Variants in ZNF777 observed in about 807,000 individuals in gnomAD.
The protein encoded by ZNF777 is zinc finger protein 777.
A neutral mutation model predicts 72.1 loss-of-function variants in ZNF777; 7 were observed. The observed-to-expected ratio is 0.10, with a 90% confidence interval of 0.06 to 0.18. The LOEUF is 0.18. Among genes scored for constraint, ZNF777 ranks in the 10% least tolerant of loss-of-function variants. ZNF777 has a pLI of 1.00. For synonymous variants in ZNF777, 545 were observed against 483.5 expected (o/e 1.13, Z -1.67); for missense variants, 828 against 1,128.6 (o/e 0.73, Z 3.82).
Position 149,432,333 on chromosome 7 carries a change from G to A in ZNF777, c.1939C>T (p.His647Tyr). 6.2e-7 allele frequency: 1 copy of A among 1,610,332 alleles called. No homozygotes were observed. Among genetic ancestry groups the A allele is most frequent in the Non-Finnish European group, 8.5e-7 (1 of 1,178,952 alleles). Reference sequence around the variant, plus strand: ...TGGTGTTTGGTCAGGCTGGACTTGTGGCTGAAGCTGCTGTCGCACTCGGGG... The same window carrying A: ...TGGTGTTTGGTCAGGCTGGACTTGTAGCTGAAGCTGCTGTCGCACTCGGGG... ...KCPECDSSFS[H>Y]KSSLTKHQIT... The change falls in exon 6 of 6, where the codon CAC becomes TAC. Residue 647 changes from histidine (H) to tyrosine (Y), a missense_variant. His to Tyr is a moderately conservative substitution (Grantham distance 83, BLOSUM62 2). This residue lies in a region of ZNF777 where 26 missense variants were observed against 62.1 expected (regional missense o/e 0.42). Transcript: ENST00000247930.
chr7:149,447,037 CTCTT>C (rs570344786), intron 4 of ZNF777, among the ~76,000 whole-genome samples: 197 of 152,360 alleles, frequency 1.3e-3, no homozygotes, highest in African/African-American at 4.4e-3. Flanking sequence ...TTTCTGGCCA[CTCTT>C]TCTGTTTCCC....
In ZNF777 at chr7:149,454,202, G is replaced by C. The variant is rs1799778743; in HGVS notation, c.882C>G (p.Phe294Leu). 1 of 1,614,192 alleles carries C rather than the reference G, an allele frequency of 6.2e-7. No homozygotes were observed. Among genetic ancestry groups the C allele is most frequent in the South Asian group, 1.1e-5 (1 of 91,082 alleles). ...PVTFDDVAVHFSEQEWGNLSE... is the reference protein window; with the variant it reads ...PVTFDDVAVHLSEQEWGNLSE... ...ACAGGTTTCCCCACTCCTGCTCCGA[G>C]AAGTGCACAGCAACATCATCAAATG... The change falls in exon 3 of 6, where the codon TTC becomes TTG. Residue 294 changes from phenylalanine to leucine, a missense_variant. Transcript: ENST00000247930.
rs1279209707 is a variant in ZNF777 at position 149,431,560 on chromosome 7, G to A, written c.*216C>T. ...CAGCCCGAAAGGGTTCCCCAGGTCC[G>A]CGCCCTCCCCCCTGGGGCCCCCGGG... On this transcript the variant is annotated 3_prime_UTR_variant, in exon 6 of 6. Transcript: ENST00000247930. 8.5e-6 allele frequency: 4 copies of A among 468,706 alleles called. No individual in the cohort carries two copies. Among genetic ancestry groups the A allele is most frequent in the Non-Finnish European group, 1.6e-5 (4 of 244,626 alleles). The allele number at this position is 468,706 out of a possible 1,614,324, so 29.0% of individuals were successfully genotyped here. A position where few individuals can be genotyped will look rare whatever the true frequency, so the allele number is the denominator to read the frequency against.
At chr7:149,459,848 C>A (rs1235612721) in intron 1 of ZNF777, 3 of 984,640 alleles carry the variant, frequency 3.0e-6, no homozygotes, top group Non-Finnish European at 3.6e-6. Flanking sequence ...AGGGAGCGAG[C>A]GCGCCTCCGG....
rs145702747 is a variant in ZNF777, at chr7:149,444,152, G to A, written c.1087+6847C>T. ...TGTAATTTTAGTTGGATCAATACTG[G>A]GTGTTTACCTCGCTAGATTATATCA... On this transcript the variant is annotated intron_variant, in intron 4 of 5. Coordinates refer to ENST00000247930, the MANE Select transcript of ZNF777 (RefSeq NM_015694.3). 1.5e-3 allele frequency among the ~76,000 whole-genome samples: 234 copies of A among 152,142 alleles called. 1 individual carries two copies. Among genetic ancestry groups the A allele is most frequent in the African/African-American group, 5.4e-3 (224 of 41,500 alleles).
chr7:149,433,363 T>C (rs1799358556), intron 5 of ZNF777, among the ~76,000 whole-genome samples: 1 of 152,216 alleles, frequency 6.6e-6, no homozygotes, highest in African/African-American at 2.4e-5. Flanking sequence ...TCTAATTATA[T>C]GAGCGATACA....
chr7:149,442,255 A>G (rs1799532487), intron 4 of ZNF777, among the ~76,000 whole-genome samples: 1 of 147,340 alleles, frequency 6.8e-6, no homozygotes, highest in Non-Finnish European at 1.5e-5. Flanking sequence ...TTGAATACAT[A>G]AAAGTTAAAA....
rs1331503089 is a variant in ZNF777 at position 149,460,353 on chromosome 7, A to G, written c.-16+462T>C. Among the ~76,000 whole-genome samples, 3 of 145,244 alleles carry G rather than the reference A, an allele frequency of 2.1e-5. No individual in the cohort carries two copies. The highest frequency in any genetic ancestry group is 2.0e-4 in the Admixed American group (3 of 14,694). On this transcript the variant is annotated intron_variant, in intron 1 of 5. Transcript: ENST00000247930. The surrounding 1 kb of genome is among the most constrained non-coding windows in gnomAD (Gnocchi z 6.1). The stretch of plus-strand genomic sequence containing the variant: ...GGGGCGAGCGGGCGCGGGGTCGCGG[A>G]GCCCGAGCGGCGGCGTCGGAGCTGG...
chr7:149,458,798 A>G (rs952660286), intron 1 of ZNF777, among the ~76,000 whole-genome samples: 1 of 152,228 alleles, frequency 6.6e-6, no homozygotes, highest in East Asian at 1.9e-4. Flanking sequence ...AAATGACCAA[A>G]GAGAGGGAGG....
At position 149,442,225 on chromosome 7, in the gene ZNF777, A is replaced by G. The variant is rs947782012; in HGVS notation, c.1088-5399T>C. On this transcript the variant is annotated intron_variant, in intron 4 of 5. Coordinates refer to ENST00000247930, the MANE Select transcript of ZNF777 (RefSeq NM_015694.3). ...GAGTGAGACTCTGTCTCAAAAAAAA[A>G]AAAAAAAAAAGTGATAAATTTGAAT... Among the ~76,000 whole-genome samples, 8 of 149,652 alleles carry G rather than the reference A, an allele frequency of 5.3e-5. 1 individual carries two copies. The highest frequency in any genetic ancestry group is 2.0e-4 in the African/African-American group (8 of 40,610).
chr7:149,451,076 A>C lies in ZNF777; in HGVS notation c.1010T>G (p.Met337Arg), dbSNP rs1281606353. Residue 337 changes from methionine to arginine, a missense_variant, in exon 4 of 6, where the codon ATG (methionine) becomes AGG (arginine). Transcript: ENST00000247930. ...CATGGTGGGCCGCTCCCCGCGCTCC[A>C]TCTGTGACATGAGGTCTGGTTTGGA... ...AISKPDLMSQ[M>R]ERGERPTMQE... is the part of the protein sequence containing the mutation. 1 of 1,614,014 alleles carries C rather than the reference A, an allele frequency of 6.2e-7. No homozygotes were observed. The highest frequency in any genetic ancestry group is 1.1e-5 in the South Asian group (1 of 91,082).
In ZNF777 at chr7:149,455,769, G is replaced by A. The variant is rs115735463; in HGVS notation, c.254C>T (p.Ala85Val). ...GAGAGAAGTCTCTTGCTCAGAAGCGGCAGAACACAGGAGTGAGGGTCCCTT... is the reference window on the plus strand; with the variant it reads ...GAGAGAAGTCTCTTGCTCAGAAGCGACAGAACACAGGAGTGAGGGTCCCTT... ...LQKGPSLLCS[A>V]ASEQETSLQG... is the part of the protein sequence containing the mutation. The change falls in exon 2 of 6, where the codon GCC becomes GTC. Residue 85 changes from alanine (A) to valine (V), a missense_variant. Physicochemically the swap from Ala to Val is moderately conservative, Grantham distance 64 (BLOSUM62 0). Coordinates refer to ENST00000247930, the MANE Select transcript of ZNF777 (RefSeq NM_015694.3). This position sits in a 1 kb window ranked among gnomAD's most constrained non-coding sequence, Gnocchi z 4.2. 3.2e-3 allele frequency: 5,084 copies of A among 1,603,478 alleles called. 146 individuals carry two copies. In the African/African-American group the frequency reaches 0.06, roughly 19 times the overall value.
In ZNF777 at chr7:149,460,959, C is replaced by G. The variant is rs896245170; in HGVS notation, c.-160G>C. ...CGACAGCCTTCCTCCCGCCGATCCC[C>G]TGCGCCTCTCACACCCAGAACCCGG... On this transcript the variant is annotated 5_prime_UTR_variant, in exon 1 of 6. Transcript: ENST00000247930. The surrounding 1 kb of genome is among the most constrained non-coding windows in gnomAD (Gnocchi z 6.1). 17 of 152,428 alleles carry G rather than the reference C, an allele frequency of 1.1e-4. No individual in the cohort carries two copies. The highest frequency in any genetic ancestry group is 4.1e-4 in the African/African-American group (17 of 41,604). The allele number at this position is 152,428 out of a possible 1,614,324, so 9.4% of individuals were successfully genotyped here.
At chr7:149,446,769 C>A (rs908479529) in intron 4 of ZNF777, among the ~76,000 whole-genome samples, 10 of 152,206 alleles carry the variant, frequency 6.6e-5, no homozygotes, top group African/African-American at 2.4e-4. Flanking sequence ...TGACTGTCAG[C>A]ACCTGCCATC....
chr7:149,436,381 G>C lies in ZNF777; in HGVS notation c.1339+194C>G, dbSNP rs1244455904. ...TTTAGATGTAACCACTTCTTTCCTA[G>C]GTTGGAGACGGATTCTTACAAGTCC... On this transcript the variant is annotated intron_variant, in intron 5 of 5. Transcript: ENST00000247930. This position sits in a 1 kb window ranked among gnomAD's most constrained non-coding sequence, Gnocchi z 5.0. 3.9e-5 allele frequency among the ~76,000 whole-genome samples: 6 copies of C among 152,164 alleles called. No homozygotes were observed. The highest frequency in any genetic ancestry group is 1.2e-4 in the African/African-American group (5 of 41,434).
At chr7:149,440,631 T>G (rs1181787820) in intron 4 of ZNF777, among the ~76,000 whole-genome samples, 2 of 151,690 alleles carry the variant, frequency 1.3e-5, no homozygotes. Context: ...GAGCTACGAT[T>G]ACAGGCATGA....
intron 5 of ZNF777, among the ~76,000 whole-genome samples, chr7:149,433,772 C>A (rs1216693189): frequency 6.6e-6 from 1 of 152,218 alleles, no homozygotes; most frequent in South Asian, 2.1e-4. Flanking sequence ...ATGCCCCACC[C>A]GGGGATGCCC....
At chr7:149,458,821 T>C (rs1799885563) in intron 1 of ZNF777, among the ~76,000 whole-genome samples, 1 of 152,208 alleles carries the variant, frequency 6.6e-6, no homozygotes, top group Non-Finnish European at 1.5e-5. Flanking sequence ...GCTGTAAATA[T>C]ACCTAAAACG....
chr7:149,436,576 C>T lies in ZNF777; in HGVS notation c.1338G>A (p.Thr446=), dbSNP rs1281438020. ...CGGCCGTCCCCGCCCAGCACTCACC[C>T]GTGCAGTTCCTCTGCTGCACCAGCA... ...KQMLVQQRNC[T]EGIVIKTEEQ... is the part of the protein sequence containing the mutation. Residue 446 remains threonine (T), a splice_region_variant and synonymous_variant, in exon 5 of 6, where the codon ACG becomes ACA. Transcript: ENST00000247930. This position sits in a 1 kb window ranked among gnomAD's most constrained non-coding sequence, Gnocchi z 5.0. The T allele has an allele frequency of 4.4e-6, 7 of 1,598,832 alleles. No individual in the cohort carries two copies. Among genetic ancestry groups the T allele is most frequent in the African/African-American group, 2.7e-5 (2 of 74,758 alleles).
Sources: gnomAD v4.1 joint callset for allele counts (sites outside exome capture counted in the v4.1 genomes callset) on GRCh38, gnomAD v4.1.1 for gene constraint, gnomAD v4.1.1 regional missense constraint, Gnocchi (gnomAD v3.1) non-coding constraint, MANE v1.5 for transcripts, NCBI Gene and HGNC (gene_info 2026-07-23, HGNC 2026-07-21) for gene names.